RIN2: variants seen among roughly 807,000 people sequenced by gnomAD.
RIN2 encodes RAB5 interacting protein 2.
RIN2 carries 36 observed loss-of-function variants against 78.0 expected under a neutral mutation model. The observed-to-expected ratio is 0.46, with a 90% CI of 0.35 to 0.61. The LOEUF (loss-of-function observed/expected upper bound fraction) is 0.61, where lower values mean the gene tolerates loss of function less well. Among genes scored for constraint, RIN2 ranks in the 20% least tolerant of loss-of-function variants. The pLI, the probability that RIN2 is intolerant of heterozygous loss-of-function variation, is 0.00. For missense variants in RIN2, 1,087 were observed against 1,159.7 expected, an observed-to-expected ratio of 0.94 and a Z score of 0.91; for synonymous variants, 466 against 466.8, an observed-to-expected ratio of 1.00 and a Z score of 0.02.
intron 2 of RIN2, among the ~76,000 whole-genome samples, chr20:19,836,824 T>A (rs1355439574): frequency 6.6e-6 from 1 of 152,182 alleles, no homozygotes; most frequent in Non-Finnish European, 1.5e-5. Context: ...TTGCTGAACT[T>A]AACTATTTTC....
intron 3 of RIN2, among the ~76,000 whole-genome samples, chr20:19,917,164 C>A (rs1352879914): frequency 1.3e-5 from 2 of 151,182 alleles, no homozygotes; most frequent in Admixed American, 6.6e-5. Flanking sequence ...ATGGCAAAGC[C>A]CCAGCTTCAG....
intron 2 of RIN2, among the ~76,000 whole-genome samples, chr20:19,868,312 C>T (rs143531922): frequency 1.2e-4 from 18 of 152,370 alleles, no homozygotes; most frequent in Admixed American, 2.0e-4. Flanking sequence ...TTTCCACCGC[C>T]TGGCTACGTT....
intron 2 of RIN2, among the ~76,000 whole-genome samples, chr20:19,839,002 C>T (rs1477995553): frequency 6.6e-6 from 1 of 152,106 alleles, no homozygotes; most frequent in Non-Finnish European, 1.5e-5. Context: ...GTGGACCAAC[C>T]TGATGATTGG....
chr20:19,954,990 T>C (rs1016347066), intron 4 of RIN2, among the ~76,000 whole-genome samples: 1 of 152,220 alleles, frequency 6.6e-6, no homozygotes, highest in Non-Finnish European at 1.5e-5. Context: ...CCTTTTAATG[T>C]GCATGATTCG....
At chr20:19,992,896 C>G (rs1023368915) in intron 11 of RIN2, among the ~76,000 whole-genome samples, 15 of 151,948 alleles carry the variant, frequency 9.9e-5, no homozygotes, top group African/African-American at 3.4e-4. Flanking sequence ...AAGGTGAAAA[C>G]AGTATTAATT....
chr20:19,881,542 T>G (rs1230394798), intron 2 of RIN2, among the ~76,000 whole-genome samples: 1 of 152,210 alleles, frequency 6.6e-6, no homozygotes, highest in Non-Finnish European at 1.5e-5. Context: ...GCACTGGTTG[T>G]CATGACATTT....
At chr20:19,897,185 A>G (rs892195459) in intron 3 of RIN2, among the ~76,000 whole-genome samples, 1 of 152,116 alleles carries the variant, frequency 6.6e-6, no homozygotes, top group Non-Finnish European at 1.5e-5. Context: ...TGCTCACTGC[A>G]ACCTCCGCCT....
chr20:19,946,369 C>T (rs907892402), intron 4 of RIN2, among the ~76,000 whole-genome samples: 2 of 152,138 alleles, frequency 1.3e-5, no homozygotes, highest in African/African-American at 4.8e-5. Flanking sequence ...TTCCAAGTAG[C>T]TTGAACTCAG....
chr20:19,997,708 G>A (rs1054836955), intron 12 of RIN2, among the ~76,000 whole-genome samples: 4 of 152,038 alleles, frequency 2.6e-5, no homozygotes, highest in Non-Finnish European at 1.5e-5. Flanking sequence ...GCAGTGAGCC[G>A]AGATCACGCC....
intron 1 of RIN2, among the ~76,000 whole-genome samples, chr20:19,764,196 A>T (rs1298633269): frequency 6.6e-6 from 1 of 152,248 alleles, no homozygotes; most frequent in Admixed American, 6.5e-5. Flanking sequence ...AGTTAGCTAG[A>T]TGAACTTTAG....
chr20:19,775,384 C>T (rs1270335930), intron 1 of RIN2, among the ~76,000 whole-genome samples: 2 of 152,156 alleles, frequency 1.3e-5, no homozygotes, highest in African/African-American at 2.4e-5. Context: ...AAATGGGGCC[C>T]CCATTGAAGT....
chr20:19,928,493 G>A (rs367600917), intron 3 of RIN2, among the ~76,000 whole-genome samples: 1 of 152,132 alleles, frequency 6.6e-6, no homozygotes, highest in Non-Finnish European at 1.5e-5. Context: ...TGAGGTCCCC[G>A]CCTACTGAGA....
At chr20:19,888,350 C>T (rs1001935178) in intron 2 of RIN2, among the ~76,000 whole-genome samples, 3 of 152,190 alleles carry the variant, frequency 2.0e-5, no homozygotes, top group South Asian at 2.1e-4. Context: ...GATCCTTGCT[C>T]ACTCACTGAT....
At chr20:19,802,639 T>G (rs1600490932) in intron 2 of RIN2, among the ~76,000 whole-genome samples, 2 of 152,274 alleles carry the variant, frequency 1.3e-5, no homozygotes, top group East Asian at 3.9e-4. Context: ...CAGCCACCTT[T>G]GGGTAGTCCC....
intron 1 of RIN2, among the ~76,000 whole-genome samples, chr20:19,774,658 G>A (rs1263991072): frequency 6.6e-6 from 1 of 152,226 alleles, no homozygotes; most frequent in Non-Finnish European, 1.5e-5. Flanking sequence ...GTGTTGTCAG[G>A]CACTGAACAG....
chr20:19,851,955 T>G (rs1474831370), intron 2 of RIN2, among the ~76,000 whole-genome samples: 1 of 152,158 alleles, frequency 6.6e-6, no homozygotes, highest in East Asian at 1.9e-4. Flanking sequence ...TGGGCTCATC[T>G]GGGCTCAACT....
At chr20:19,795,034 AC>A (rs1273389589) in intron 1 of RIN2, among the ~76,000 whole-genome samples, 1 of 152,204 alleles carries the variant, frequency 6.6e-6, no homozygotes, top group Non-Finnish European at 1.5e-5. Flanking sequence ...TAGGAACACA[AC>A]CCTGTTAAAG....
At chr20:19,866,813 T>C (rs951297516) in intron 2 of RIN2, among the ~76,000 whole-genome samples, 1 of 151,864 alleles carries the variant, frequency 6.6e-6, no homozygotes, top group Non-Finnish European at 1.5e-5. Flanking sequence ...TTAGTAGAGA[T>C]GGGGTTTCAC....
upstream of RIN2, chr20:19,757,798 C>G (rs1285422384): frequency 6.6e-6 from 1 of 152,374 alleles, no homozygotes; most frequent in African/African-American, 2.4e-5. Flanking sequence ...AAACTCTGGT[C>G]CTCGCCTGGC....
Sources: gnomAD v4.1 joint callset for allele counts (sites outside exome capture counted in the v4.1 genomes callset) on GRCh38, gnomAD v4.1.1 for gene constraint, MANE v1.5 for transcripts, NCBI Gene and HGNC (gene_info 2026-07-23, HGNC 2026-07-21) for gene names.